Variants in PCDH7 observed in about 807,000 individuals in gnomAD.
PCDH7 encodes protocadherin-7.
In PCDH7, 17 loss-of-function variants were observed where a neutral mutation model predicts 58.9. The ratio of observed to expected loss-of-function variants is 0.29; its 90% CI spans 0.20 to 0.43. PCDH7 has a LOEUF of 0.43. Ranked by LOEUF, PCDH7 falls within the 20% of genes least tolerant of loss-of-function variation. The probability of loss-of-function intolerance (pLI) is 1.00; values close to 1 mark genes in which losing one functional copy is unlikely to be tolerated. For missense variants in PCDH7, 1,274 were observed against 1,441.0 expected (o/e 0.88, Z 1.88); for synonymous variants, 664 against 616.4 (o/e 1.08, Z -1.14).
At chr4:31,143,636 T>C (rs1720489226), downstream of PCDH7, 2 of 152,168 alleles carry the variant, frequency 1.3e-5, no homozygotes, top group Non-Finnish European at 2.9e-5. Context: ...ATATATATTT[T>C]TTCAGAACAA....
At chr4:30,865,772 A>G (rs1051029800) in intron 1 of PCDH7, among the ~76,000 whole-genome samples, 1 of 152,098 alleles carries the variant, frequency 6.6e-6, no homozygotes, top group African/African-American at 2.4e-5. Flanking sequence ...CAGTTGATGA[A>G]CAGTTGACTC....
At chr4:30,744,942 T>C (rs1402229769) in intron 1 of PCDH7, among the ~76,000 whole-genome samples, 2 of 152,218 alleles carry the variant, frequency 1.3e-5, no homozygotes, top group African/African-American at 4.8e-5. Flanking sequence ...TCACTGTAAC[T>C]GTTCACCCTG....
chr4:30,831,293 G>A (rs567440018), intron 1 of PCDH7, among the ~76,000 whole-genome samples: 15 of 152,196 alleles, frequency 9.9e-5, no homozygotes, highest in East Asian at 5.8e-4. Context: ...TTGTGCCACC[G>A]TCTTGAGACC....
chr4:30,820,600 A>G (rs941095989), intron 1 of PCDH7, among the ~76,000 whole-genome samples: 5 of 152,138 alleles, frequency 3.3e-5, no homozygotes, highest in African/African-American at 1.2e-4. Flanking sequence ...ACTGAAGTAA[A>G]CAACACTAGT....
At chr4:30,986,539 G>T (rs1750981471) in intron 3 of PCDH7, among the ~76,000 whole-genome samples, 2 of 151,622 alleles carry the variant, frequency 1.3e-5, no homozygotes, top group Non-Finnish European at 2.9e-5. Flanking sequence ...GATAATCCTG[G>T]TTTCACCTCC....
chr4:30,868,925 C>T (rs1271437121), intron 1 of PCDH7: 1 of 151,890 alleles, frequency 6.6e-6, no homozygotes, highest in Non-Finnish European at 1.5e-5. Flanking sequence ...AATAGTTCAA[C>T]CATATGAAAA....
intron 1 of PCDH7, among the ~76,000 whole-genome samples, chr4:30,819,526 A>G (rs1040488413): frequency 6.6e-6 from 1 of 152,190 alleles, no homozygotes; most frequent in African/African-American, 2.4e-5. Context: ...AGATAAAGTA[A>G]AAATAGACTT....
At chr4:30,730,951 A>G in exon 2 of PCDH7, 1 of 1,299,592 alleles carries the variant, frequency 7.7e-7, no homozygotes, top group South Asian at 2.7e-5. Context: ...CATATACAGA[A>G]AAATAGTATG....
chr4:31,145,721 G>A (rs921013948), downstream of PCDH7: 6 of 152,100 alleles, frequency 3.9e-5, no homozygotes, highest in Non-Finnish European at 7.4e-5. Context: ...GCAAAGTTAA[G>A]GCATTAATAT....
chr4:30,947,810 A>G (rs1746889232), intron 2 of PCDH7, among the ~76,000 whole-genome samples: 1 of 152,158 alleles, frequency 6.6e-6, no homozygotes, highest in African/African-American at 2.4e-5. Flanking sequence ...CTTTCCTCCT[A>G]TCTAACTATA....
chr4:31,059,581 T>C (rs2109235551), intron 3 of PCDH7, among the ~76,000 whole-genome samples: 1 of 151,954 alleles, frequency 6.6e-6, no homozygotes, highest in East Asian at 1.9e-4. Flanking sequence ...GTTAAACTGT[T>C]TGAACACATA....
chr4:30,741,201 T>C (rs1717026535), intron 1 of PCDH7, among the ~76,000 whole-genome samples: 1 of 152,130 alleles, frequency 6.6e-6, no homozygotes, highest in Non-Finnish European at 1.5e-5. Flanking sequence ...TGCGAGGCTG[T>C]TTCCTTAGTC....
intron 1 of PCDH7, among the ~76,000 whole-genome samples, chr4:30,781,575 TG>T (rs1722796943): frequency 6.6e-6 from 1 of 151,672 alleles, no homozygotes; most frequent in African/African-American, 2.4e-5. Context: ...TCCCTCTTGT[TG>T]CCCAGGCTGG....
At chr4:30,724,702 AT>A in intron 1 of PCDH7, 106 bp downstream of exon 1, 5 of 1,459,836 alleles carry the variant, frequency 3.4e-6, no homozygotes, top group Non-Finnish European at 4.5e-6. Flanking sequence ...AGTTATTAAA[AT>A]TTTAACAGTA....
chr4:30,782,439 T>A (rs1722923158), intron 1 of PCDH7, among the ~76,000 whole-genome samples: 1 of 152,206 alleles, frequency 6.6e-6, no homozygotes. Context: ...AAAAATATTA[T>A]TCCTACTTTA....
Position 30,724,616 on chromosome 4 carries a change from T to C in PCDH7, c.3174+20T>C. 1 of 1,609,256 alleles carries C rather than the reference T, an allele frequency of 6.2e-7. No homozygotes were observed. Among genetic ancestry groups the C allele is most frequent in the Middle Eastern group, 1.7e-4 (1 of 6,032 alleles). On this transcript the variant is annotated intron_variant, in intron 1 of 1. Coordinates refer to ENST00000361762, the Ensembl canonical transcript of PCDH7. Reference sequence around the variant, plus strand: ...AAACAGGTAAGATGTATCCCAAATATATTTAAATATCCCAGGGAGGGCTAA... The same window carrying C: ...AAACAGGTAAGATGTATCCCAAATACATTTAAATATCCCAGGGAGGGCTAA...
chr4:30,932,818 C>T (rs1022814506), intron 2 of PCDH7, among the ~76,000 whole-genome samples: 1 of 152,136 alleles, frequency 6.6e-6, no homozygotes, highest in South Asian at 2.1e-4. Flanking sequence ...AACCAAGTCT[C>T]GACAATATTA....
chr4:31,044,918 G>A (rs1230619131), intron 3 of PCDH7, among the ~76,000 whole-genome samples: 2 of 151,928 alleles, frequency 1.3e-5, no homozygotes, highest in African/African-American at 4.8e-5. Flanking sequence ...AGTGACTTTT[G>A]GACCCTGACT....
chr4:30,748,659 A>G (rs1014607229), intron 1 of PCDH7, among the ~76,000 whole-genome samples: 1 of 152,212 alleles, frequency 6.6e-6, no homozygotes, highest in African/African-American at 2.4e-5. Context: ...AGTTTTTGAT[A>G]TACGAATTTT....
Sources: gnomAD v4.1 joint callset for allele counts (sites outside exome capture counted in the v4.1 genomes callset) on GRCh38, gnomAD v4.1.1 for gene constraint, MANE v1.5 for transcripts, NCBI Gene and HGNC (gene_info 2026-07-23, HGNC 2026-07-21) for gene names.